The following TBC1D32 variants were observed in gnomAD, a reference collection of about 807,000 sequenced individuals.
The protein encoded by TBC1D32 is protein broad-minded.
In TBC1D32, 151 loss-of-function variants were observed where a neutral mutation model predicts 170.3. The observed-to-expected ratio is 0.89, with a 90% CI of 0.78 to 1.01. The LOEUF is 1.01. Ranked by LOEUF, TBC1D32 falls within the 50% of genes least tolerant of loss-of-function variation. TBC1D32 has a pLI of 0.00. For missense variants in TBC1D32, 1,464 were observed against 1,457.1 expected, an observed-to-expected ratio of 1.00 and a Z score of -0.08; for synonymous variants, 498 against 488.0, an observed-to-expected ratio of 1.02 and a Z score of -0.27.
At chr6:121,327,477 A>G (rs568956802) in intron 1 of TBC1D32, among the ~76,000 whole-genome samples, 1 of 152,326 alleles carries the variant, frequency 6.6e-6, no homozygotes, top group Non-Finnish European at 1.5e-5. Context: ...AATAATCTGG[A>G]GATATAATAT....
At chr6:121,258,439 T>C (rs1407836971) in intron 15 of TBC1D32, among the ~76,000 whole-genome samples, 1 of 152,112 alleles carries the variant, frequency 6.6e-6, no homozygotes, top group African/African-American at 2.4e-5. Flanking sequence ...TTTCTTTTTT[T>C]TTTCTGTTTT....
rs375792191 is a variant in TBC1D32, at chr6:121,286,193, C to G, written c.1373-2283G>C. Among the ~76,000 whole-genome samples, 40 of 152,094 alleles carry G rather than the reference C, an allele frequency of 2.6e-4. No individual in the cohort carries two copies. The South Asian group carries it at 8.3e-3, about 32-fold the overall frequency. On this transcript the variant is annotated intron_variant, in intron 12 of 31. Coordinates refer to ENST00000398212, the MANE Select transcript of TBC1D32 (RefSeq NM_152730.6). ...CTTCAGAAGATCAAACTACTCCAAA[C>G]TAAAGGAGGAAGTTCGAACCCATGG...
At chr6:121,161,255 A>G (rs996476417) in intron 22 of TBC1D32, among the ~76,000 whole-genome samples, 199 bp from the exon 23 acceptor site, 3 of 152,080 alleles carry the variant, frequency 2.0e-5, no homozygotes, top group African/African-American at 4.8e-5. Context: ...TACATAGGCA[A>G]ACGTGTGCCA....
intron 24 of TBC1D32, among the ~76,000 whole-genome samples, chr6:121,148,306 G>A (rs535144560): frequency 6.6e-6 from 1 of 152,186 alleles, no homozygotes; most frequent in South Asian, 2.1e-4. Context: ...CCCTGAAAAG[G>A]ACATGAACTA....
chr6:121,235,764 A>T (rs1796264095), intron 20 of TBC1D32, among the ~76,000 whole-genome samples: 1 of 152,138 alleles, frequency 6.6e-6, no homozygotes, highest in Non-Finnish European at 1.5e-5. Flanking sequence ...GGTTCTGTGG[A>T]TTCTGTCATC....
intron 4 of TBC1D32, 69 bp downstream of exon 4, chr6:121,310,710 T>C (rs1808059898): frequency 9.9e-7 from 1 of 1,010,036 alleles, no homozygotes; most frequent in Non-Finnish European, 1.5e-6. Flanking sequence ...TGGTTGCTAC[T>C]GATTGTAATC....
intron 1 of TBC1D32, among the ~76,000 whole-genome samples, chr6:121,327,296 A>G (rs954271171): frequency 6.6e-6 from 1 of 152,230 alleles, no homozygotes; most frequent in Non-Finnish European, 1.5e-5. Context: ...TATTATTGCA[A>G]TGGAGCTGGG....
intron 16 of TBC1D32, 96 bp from the exon 17 acceptor site, chr6:121,255,506 A>ATTTATAT (rs1563099593): frequency 5.5e-6 from 1 of 181,600 alleles, no homozygotes; most frequent in East Asian, 1.6e-4. Context: ...TTATAATTAT[A>ATTTATAT]TTTATAATTA....
chr6:121,268,488 G>A (rs542127676), intron 15 of TBC1D32, among the ~76,000 whole-genome samples: 16 of 152,230 alleles, frequency 1.1e-4, no homozygotes, highest in African/African-American at 2.9e-4. Context: ...TAGCCAGTTC[G>A]ATCAACTGGA....
intron 22 of TBC1D32, among the ~76,000 whole-genome samples, chr6:121,180,597 A>G (rs1482315563): frequency 6.6e-6 from 1 of 152,140 alleles, no homozygotes; most frequent in Non-Finnish European, 1.5e-5. Context: ...AGGCTTAAAG[A>G]CCTAAATGTA....
At chr6:121,181,249 C>A (rs1336320480) in intron 22 of TBC1D32, among the ~76,000 whole-genome samples, 1 of 152,078 alleles carries the variant, frequency 6.6e-6, no homozygotes, top group African/African-American at 2.4e-5. Context: ...CCACCCAAAT[C>A]TCATGTCAAA....
At chr6:121,254,183 A>T (rs538524132) in intron 17 of TBC1D32, among the ~76,000 whole-genome samples, 7 of 152,340 alleles carry the variant, frequency 4.6e-5, no homozygotes, top group African/African-American at 1.7e-4. Flanking sequence ...GTGGGAGCTA[A>T]GCTCTGAGGA....
chr6:121,272,007 A>G (rs547604079), intron 15 of TBC1D32, among the ~76,000 whole-genome samples: 202 of 152,330 alleles, frequency 1.3e-3, no homozygotes, highest in Non-Finnish European at 2.5e-3. Flanking sequence ...GAAATGGGGA[A>G]ACGATTCCCT....
At position 121,080,388 on chromosome 6, in the gene TBC1D32, G is replaced by T; in HGVS notation, c.*383C>A. 3.0e-6 allele frequency: 1 copy of T among 334,460 alleles called. No homozygotes were observed. 20.7% of individuals were successfully genotyped at this position (334,460 alleles called of 1,614,324 possible). A position where few individuals can be genotyped will look rare whatever the true frequency, so the allele number is the denominator to read the frequency against. On this transcript the variant is annotated 3_prime_UTR_variant, in exon 32 of 32. Transcript: ENST00000398212. ...GCATCACTGCACCCAGCTAATTTCA[G>T]TATTGTTAGCAGAGACGAGGTTTCA...
intron 17 of TBC1D32, among the ~76,000 whole-genome samples, chr6:121,244,991 T>C (rs1477553333): frequency 6.6e-6 from 1 of 152,214 alleles, no homozygotes; most frequent in Non-Finnish European, 1.5e-5. Flanking sequence ...TGCCACTTCC[T>C]GGCTGGAGGC....
At chr6:121,261,801 G>A (rs1437144457) in intron 15 of TBC1D32, among the ~76,000 whole-genome samples, 3 of 152,102 alleles carry the variant, frequency 2.0e-5, no homozygotes, top group Admixed American at 6.5e-5. Context: ...TGACAGAAGT[G>A]GGCTTCAGAA....
intron 30 of TBC1D32, among the ~76,000 whole-genome samples, chr6:121,103,939 G>C (rs1250028234): frequency 6.6e-6 from 1 of 151,780 alleles, no homozygotes. Context: ...AAAAAATTTT[G>C]TGATTTAAAG....
At chr6:121,241,853 T>G (rs1164886806) in intron 18 of TBC1D32, among the ~76,000 whole-genome samples, 1 of 152,196 alleles carries the variant, frequency 6.6e-6, no homozygotes, top group Non-Finnish European at 1.5e-5. Context: ...ATGTGAGGCC[T>G]AAATCTTCAC....
At chr6:121,146,418 T>C (rs1204502455) in intron 24 of TBC1D32, among the ~76,000 whole-genome samples, 1 of 152,230 alleles carries the variant, frequency 6.6e-6, no homozygotes, top group Non-Finnish European at 1.5e-5. Context: ...TTGGCACCGA[T>C]GTAGTTAAGT....
Sources: allele counts gnomAD v4.1 joint callset (sites outside exome capture counted in the v4.1 genomes callset), GRCh38; gene constraint gnomAD v4.1.1; transcripts MANE v1.5; gene names NCBI Gene and HGNC (gene_info 2026-07-23, HGNC 2026-07-21).